MOK: variants seen among roughly 807,000 people sequenced by gnomAD.
The protein encoded by MOK is MAPK/MAK/MRK overlapping kinase.
A neutral mutation model predicts 54.2 loss-of-function variants in MOK; 59 were observed. The ratio of observed to expected loss-of-function variants is 1.09; its 90% CI spans 0.88 to 1.35. MOK has a LOEUF of 1.35. Among genes scored for constraint, MOK ranks in the 40% most tolerant of loss-of-function variants. The pLI is 0.00. For missense variants in MOK, 517 were observed against 526.2 expected (o/e 0.98, Z 0.17); for synonymous variants, 210 against 202.7 (o/e 1.04, Z -0.31).
At chr14:102,300,775 A>G (rs769099653) in intron 1 of MOK, among the ~76,000 whole-genome samples, 2 of 152,176 alleles carry the variant, frequency 1.3e-5, no homozygotes, top group Non-Finnish European at 2.9e-5. Flanking sequence ...AAACAATGCT[A>G]TGTGATTGGT....
chr14:102,252,410 G>C (rs1300394868), intron 4 of MOK, among the ~76,000 whole-genome samples: 1 of 151,392 alleles, frequency 6.6e-6, no homozygotes, highest in Admixed American at 6.6e-5. Flanking sequence ...AGCCGAGATG[G>C]CACCATTACA....
At chr14:102,244,368 C>T (rs979100702) in intron 7 of MOK, among the ~76,000 whole-genome samples, 2 of 152,150 alleles carry the variant, frequency 1.3e-5, no homozygotes, top group Non-Finnish European at 1.5e-5. Context: ...AACATATCTC[C>T]TTCCAGCCTC....
rs1464641526 is a variant in MOK at position 102,235,183 on chromosome 14, C to T, written c.591-1394G>A. 1.3e-5 allele frequency: 2 copies of T among 152,340 alleles called. No individual in the cohort carries two copies. The highest frequency in any genetic ancestry group is 6.5e-5 in the Admixed American group (1 of 15,286). The allele number at this position is 152,340 out of a possible 1,614,324, so 9.4% of individuals were successfully genotyped here. ...CCCTTACTCGTTCTCGAGCCCAACA[C>T]GCCCAGCAGCCTGCTCCCTTGCTTC... On this transcript the variant is annotated intron_variant, in intron 7 of 11. Transcript: ENST00000361847. The surrounding 1 kb of genome is among the most constrained non-coding windows in gnomAD (Gnocchi z 4.4).
At chr14:102,217,869 G>A in the MOK span, among the ~76,000 whole-genome samples, 4 of 152,216 alleles carry the variant, frequency 2.6e-5, no homozygotes, top group Non-Finnish European at 4.4e-5. Flanking sequence ...AAAAGGTGTC[G>A]CTTTGCAAAT....
intron 4 of MOK, among the ~76,000 whole-genome samples, chr14:102,263,129 A>G (rs984696220): frequency 1.3e-5 from 2 of 152,268 alleles, no homozygotes; most frequent in African/African-American, 4.8e-5. Flanking sequence ...CTTCCCTCAC[A>G]TGCAGGGCAG....
rs78208456 is a variant in MOK, at chr14:102,232,414, G to C, written c.866+121C>G. The C allele has an allele frequency of 1.1e-3, 1,300 of 1,204,876 alleles. 10 individuals carry two copies. In the African/African-American group the frequency reaches 0.016, roughly 15 times the overall value. The allele number at this position is 1,204,876 out of a possible 1,614,324, so 74.6% of individuals were successfully genotyped here. A position where few individuals can be genotyped will look rare whatever the true frequency, so the allele number is the denominator to read the frequency against. On this transcript the variant is annotated intron_variant, in intron 9 of 11. Transcript: ENST00000361847. This position sits in a 1 kb window ranked among gnomAD's most constrained non-coding sequence, Gnocchi z 5.1. ...GAGGCCCTGACCACTCTTCAGGATA[G>C]AGAGCGCGATTCCCAAGAACCAGGG...
chr14:102,287,409 C>A (rs893239237), intron 1 of MOK, among the ~76,000 whole-genome samples: 3 of 152,118 alleles, frequency 2.0e-5, no homozygotes, highest in Non-Finnish European at 4.4e-5. Flanking sequence ...CAAGACCAGG[C>A]CAGCCTGACC....
intron 1 of MOK, among the ~76,000 whole-genome samples, chr14:102,288,962 G>C (rs1471235975): frequency 1.3e-5 from 2 of 152,128 alleles, no homozygotes; most frequent in Non-Finnish European, 2.9e-5. Context: ...GAGAGCAGTG[G>C]TGCAACCTCG....
rs1452370339 is a variant in MOK, at chr14:102,233,622, G to T, written c.692+66C>A. ...GGGTTTGAGGGAGGCACAGGGAGGG[G>T]CTTGCCCTGCTGCAGGTCCTAGCAG... is the stretch of plus-strand genomic sequence containing the variant. On this transcript the variant is annotated intron_variant, in intron 8 of 11. Coordinates refer to ENST00000361847, the MANE Select transcript of MOK (RefSeq NM_014226.3). The T allele has an allele frequency of 4.3e-6, 6 of 1,406,624 alleles. No homozygotes were observed. In the African/African-American group the frequency reaches 8.5e-5, roughly 20 times the overall value. The allele number at this position is 1,406,624 out of a possible 1,614,324, so 87.1% of individuals were successfully genotyped here. A position where few individuals can be genotyped will look rare whatever the true frequency, so the allele number is the denominator to read the frequency against.
At chr14:102,255,630 T>C (rs1217536353) in intron 4 of MOK, among the ~76,000 whole-genome samples, 1 of 152,138 alleles carries the variant, frequency 6.6e-6, no homozygotes, top group African/African-American at 2.4e-5. Flanking sequence ...ACCACACCCT[T>C]GCAAAGGAAA....
intron 1 of MOK, among the ~76,000 whole-genome samples, chr14:102,287,442 C>T (rs1411241816): frequency 2.0e-5 from 3 of 152,060 alleles, no homozygotes; most frequent in African/African-American, 7.2e-5. Context: ...CCCCATCGTA[C>T]TAAAAATATA....
chr14:102,221,895 A>G (rs1055455850), downstream of MOK, among the ~76,000 whole-genome samples: 1 of 152,198 alleles, frequency 6.6e-6, no homozygotes, highest in African/African-American at 2.4e-5. This position sits in a 1 kb window ranked among gnomAD's most constrained non-coding sequence, Gnocchi z 4.8. Flanking sequence ...AGAGCTGAAA[A>G]TGTGCACCTT....
intron 2 of MOK, among the ~76,000 whole-genome samples, chr14:102,269,681 C>T (rs1597459398): frequency 6.6e-6 from 1 of 152,116 alleles, no homozygotes; most frequent in Non-Finnish European, 1.5e-5. Flanking sequence ...CCATGTTGGC[C>T]AGGCTGGTTT....
At chr14:102,300,323 C>CA (rs71468398) in intron 1 of MOK, among the ~76,000 whole-genome samples, 3,836 of 36,376 alleles carry the variant, frequency 0.11, 173 homozygotes, top group African/African-American at 0.16. Context: ...AACTCTATCT[C>CA]AAAAAAAAAA....
chr14:102,237,340 G>A (rs920492512), intron 7 of MOK, among the ~76,000 whole-genome samples: 2 of 152,046 alleles, frequency 1.3e-5, no homozygotes, highest in Non-Finnish European at 2.9e-5. Flanking sequence ...CTCCCCCTCC[G>A]AAGCTCAACT....
At chr14:102,293,344 A>G (rs1443045307) in intron 1 of MOK, among the ~76,000 whole-genome samples, 2 of 152,200 alleles carry the variant, frequency 1.3e-5, no homozygotes, top group African/African-American at 4.8e-5. Context: ...GTTCAGCCAT[A>G]ATTTCATGTT....
At chr14:102,275,270 T>C (rs2068750066) in intron 2 of MOK, among the ~76,000 whole-genome samples, 2 of 151,784 alleles carry the variant, frequency 1.3e-5, no homozygotes, top group African/African-American at 4.8e-5. Flanking sequence ...CAAAAATTAA[T>C]TTAAGATGGA....
At chr14:102,250,790 C>T in intron 7 of MOK, 22 bp downstream of exon 7, 3 of 1,607,676 alleles carry the variant, frequency 1.9e-6, no homozygotes, top group South Asian at 2.2e-5. Flanking sequence ...AGGAACCAGG[C>T]AGGAGCCTGG....
chr14:102,224,264 TCTC>T (rs2064157848), downstream of MOK, among the ~76,000 whole-genome samples: 1 of 151,850 alleles, frequency 6.6e-6, no homozygotes, highest in Admixed American at 6.6e-5. Flanking sequence ...ATGGTCTCGA[TCTC>T]CTGACCTCGT....
Sources: gnomAD v4.1 joint callset for allele counts (sites outside exome capture counted in the v4.1 genomes callset) on GRCh38, gnomAD v4.1.1 for gene constraint, Gnocchi (gnomAD v3.1) non-coding constraint, MANE v1.5 for transcripts, NCBI Gene and HGNC (gene_info 2026-07-23, HGNC 2026-07-21) for gene names.